Variants in HCFC2 observed in about 807,000 individuals in gnomAD.
The protein encoded by HCFC2 is host cell factor C2.
HCFC2 carries 18 observed loss-of-function variants against 89.2 expected under a neutral mutation model. The ratio of observed to expected loss-of-function variants is 0.20; its 90% confidence interval spans 0.14 to 0.30. The LOEUF (loss-of-function observed/expected upper bound fraction) is 0.30, where lower values mean the gene tolerates loss of function less well. Among genes scored for constraint, HCFC2 ranks in the 10% least tolerant of loss-of-function variants. The probability of loss-of-function intolerance (pLI) is 1.00; values close to 1 mark genes in which losing one functional copy is unlikely to be tolerated. For missense variants in HCFC2, 578 were observed against 956.1 expected (o/e 0.60, Z 5.21); for synonymous variants, 308 against 335.7 (o/e 0.92, Z 0.90).
At chr12:104,079,929 G>A (rs1014357800) in intron 4 of HCFC2, among the ~76,000 whole-genome samples, 10 of 152,122 alleles carry the variant, frequency 6.6e-5, no homozygotes, top group African/African-American at 2.2e-4. Flanking sequence ...TTATTGTCTT[G>A]TGTAATTATC....
intron 8 of HCFC2, among the ~76,000 whole-genome samples, chr12:104,087,309 A>G (rs1476218537): frequency 2.7e-5 from 4 of 150,024 alleles, no homozygotes; most frequent in African/African-American, 4.9e-5. Flanking sequence ...AGCTGAGATC[A>G]TGCCACTGCA....
At chr12:104,088,145 G>C (rs1055591335) in intron 9 of HCFC2, 107 bp downstream of exon 9, 15 of 557,454 alleles carry the variant, frequency 2.7e-5, no homozygotes, top group Non-Finnish European at 4.5e-5. Context: ...CCTTAATCCT[G>C]CCTGCACTTG....
At chr12:104,098,873 A>T (rs1160638698) in intron 13 of HCFC2, among the ~76,000 whole-genome samples, 1 of 152,162 alleles carries the variant, frequency 6.6e-6, no homozygotes, top group Non-Finnish European at 1.5e-5. Context: ...GGTGACGAGC[A>T]TCTGTAGTCC....
intron 4 of HCFC2, among the ~76,000 whole-genome samples, chr12:104,080,177 A>G (rs1489372775): frequency 6.6e-6 from 1 of 152,146 alleles, no homozygotes; most frequent in Non-Finnish European, 1.5e-5. Context: ...AATCTCTAAT[A>G]TTGTTTTTAA....
intron 3 of HCFC2, among the ~76,000 whole-genome samples, chr12:104,071,614 G>T (rs1369134417): frequency 6.6e-6 from 1 of 152,138 alleles, no homozygotes; most frequent in Non-Finnish European, 1.5e-5. Flanking sequence ...TTGAGAAAGG[G>T]TCTCACTCTG....
chr12:104,083,516 A>G (rs186167666), intron 7 of HCFC2, among the ~76,000 whole-genome samples: 46 of 152,276 alleles, frequency 3.0e-4, no homozygotes, highest in Admixed American at 9.2e-4. Flanking sequence ...ATCCTGGAAC[A>G]AAAAAAGACA....
chr12:104,073,841 G>A (rs1231050904), intron 3 of HCFC2, among the ~76,000 whole-genome samples: 1 of 152,190 alleles, frequency 6.6e-6, no homozygotes, highest in Non-Finnish European at 1.5e-5. Flanking sequence ...ACTATATCCT[G>A]TGGGCCAAAT....
chr12:104,081,600 G>GTTT lies in HCFC2; in HGVS notation c.767+784_767+786dup, dbSNP rs34494975. On this transcript the variant is annotated intron_variant, in intron 5 of 14. Coordinates refer to ENST00000229330, the MANE Select transcript of HCFC2 (RefSeq NM_013320.3). ...AATGACTGTTGTAATTTAGAACCTA[G>GTTT]TTTTTTTTTTTTTTTTAAATAAACT... 3.6e-5 allele frequency among the ~76,000 whole-genome samples: 5 copies of GTTT among 138,554 alleles called. No homozygotes were observed. In the East Asian group the frequency reaches 6.4e-4, roughly 18 times the overall value. The allele number at this position is 138,554 out of a possible 152,430, so 90.9% of individuals were successfully genotyped here.
rs536248487 is a variant in HCFC2, at chr12:104,102,905, G to A, written c.2065-54G>A. ...TAAAGATAGACTCAACATAATAAGT[G>A]ATAACAGAGGAAACTTAAGAACCTT... On this transcript the variant is annotated intron_variant, in intron 14 of 14. Transcript: ENST00000229330. The A allele has an allele frequency of 1.1e-5, 15 of 1,403,812 alleles. No homozygotes were observed. The African/African-American group carries it at 2.1e-4, about 20-fold the overall frequency. 87.0% of individuals were successfully genotyped at this position (1,403,812 alleles called of 1,614,324 possible).
intron 12 of HCFC2, 34 bp from the exon 13 acceptor site, chr12:104,098,309 G>C: frequency 6.4e-7 from 1 of 1,565,370 alleles, no homozygotes. Flanking sequence ...TATTCAATAA[G>C]AGTCTTCATA....
At chr12:104,090,314 T>C (rs1375153692) in intron 9 of HCFC2, among the ~76,000 whole-genome samples, 1 of 152,194 alleles carries the variant, frequency 6.6e-6, no homozygotes, top group African/African-American at 2.4e-5. Flanking sequence ...GTGATGCCAT[T>C]TGGATTCCTG....
rs1160219217 is a variant in HCFC2 at position 104,082,754 on chromosome 12, G to T, written c.916G>T (p.Asp306Tyr). The change falls in exon 7 of 15, where the codon GAT (aspartate) becomes TAT (tyrosine). Residue 306 changes from aspartate (D) to tyrosine (Y), a missense_variant. This residue lies in a region of HCFC2 where 206 missense variants were observed against 419.2 expected (regional missense o/e 0.49). Coordinates refer to ENST00000229330, the MANE Select transcript of HCFC2 (RefSeq NM_013320.3). The part of the protein sequence containing the change: ...WTTLVSDSQE[D>Y]KKNSRPRPRA... The stretch of plus-strand genomic sequence containing the variant: ...CACCCTAGTATCAGATTCTCAGGAA[G>T]ATAAAAAAAATTCAAGACCAAGACC... 1.9e-6 allele frequency: 3 copies of T among 1,613,570 alleles called. No homozygotes were observed. The highest frequency in any genetic ancestry group is 2.5e-6 in the Non-Finnish European group (3 of 1,179,868).
chr12:104,066,156 T>C lies in HCFC2; in HGVS notation c.164-11T>C, dbSNP rs1350710504. On this transcript the variant is annotated splice_polypyrimidine_tract_variant and intron_variant, in intron 1 of 14. Coordinates refer to ENST00000229330, the MANE Select transcript of HCFC2 (RefSeq NM_013320.3). ...TGTTATAATCGGTTTTCATTTTATT[T>C]TGGCAACTAGCTACGAATCAGTGGT... is the stretch of plus-strand genomic sequence containing the variant. 1.2e-6 allele frequency: 2 copies of C among 1,611,082 alleles called. No individual in the cohort carries two copies. Among genetic ancestry groups the C allele is most frequent in the African/African-American group, 2.7e-5 (2 of 74,898 alleles).
chr12:104,066,935 G>A (rs1452356570), intron 2 of HCFC2, among the ~76,000 whole-genome samples: 3 of 152,168 alleles, frequency 2.0e-5, no homozygotes, highest in Non-Finnish European at 2.9e-5. Context: ...CTACAGGCAC[G>A]CGCCACCATG....
At chr12:104,071,988 G>T (rs748687600) in intron 3 of HCFC2, among the ~76,000 whole-genome samples, 1 of 152,072 alleles carries the variant, frequency 6.6e-6, no homozygotes, top group Admixed American at 6.6e-5. Context: ...TATTGTGCCC[G>T]TTTTGAAATT....
chr12:104,078,033 C>A (rs1465433957), intron 3 of HCFC2, among the ~76,000 whole-genome samples: 2 of 152,186 alleles, frequency 1.3e-5, no homozygotes, highest in Admixed American at 6.5e-5. Flanking sequence ...GAGTCTCACT[C>A]TGTCTCCCAG....
At position 104,103,321 on chromosome 12, in the gene HCFC2, A is replaced by G; in HGVS notation, c.*48A>G. On this transcript the variant is annotated 3_prime_UTR_variant, in exon 15 of 15. Coordinates refer to ENST00000229330, the MANE Select transcript of HCFC2 (RefSeq NM_013320.3). ...TTGTGATGATGATTATTTATTAGTAACTGGTTATGAAGATTTGTCATTTAA... is the reference window on the plus strand; with the variant it reads ...TTGTGATGATGATTATTTATTAGTAGCTGGTTATGAAGATTTGTCATTTAA... The G allele has an allele frequency of 1.4e-6, 2 of 1,422,328 alleles. No individual in the cohort carries two copies. The highest frequency in any genetic ancestry group is 1.4e-5 in the African/African-American group (1 of 70,694). 88.1% of individuals were successfully genotyped at this position (1,422,328 alleles called of 1,614,324 possible).
chr12:104,076,825 G>A (rs981701795), intron 3 of HCFC2, among the ~76,000 whole-genome samples: 2 of 152,030 alleles, frequency 1.3e-5, no homozygotes, highest in African/African-American at 4.8e-5. Flanking sequence ...ATCAGATTTT[G>A]TCTTATAATA....
intron 12 of HCFC2, among the ~76,000 whole-genome samples, chr12:104,096,832 A>G (rs1206201549): frequency 1.3e-5 from 2 of 152,164 alleles, no homozygotes; most frequent in African/African-American, 2.4e-5. Flanking sequence ...ACATACATAT[A>G]TGTGTATATA....
Sources: gnomAD v4.1 joint callset for allele counts (sites outside exome capture counted in the v4.1 genomes callset) on GRCh38, gnomAD v4.1.1 for gene constraint, gnomAD v4.1.1 regional missense constraint, MANE v1.5 for transcripts, NCBI Gene and HGNC (gene_info 2026-07-23, HGNC 2026-07-21) for gene names.